Variants in MAP4K3 observed in about 807,000 individuals in gnomAD.
MAP4K3 encodes mitogen-activated protein kinase kinase kinase kinase 3, also known as MAPK/ERK kinase kinase kinase 3.
A neutral mutation model predicts 143.5 loss-of-function variants in MAP4K3; 94 were observed. The observed-to-expected ratio is 0.65, with a 90% confidence interval of 0.55 to 0.78. MAP4K3 has a LOEUF of 0.78. MAP4K3 is among the 30% of genes least tolerant of loss of function. The pLI is 0.00. For synonymous variants in MAP4K3, 416 were observed against 347.2 expected (o/e 1.20, Z -2.20); for missense variants, 1,077 against 1,068.1 (o/e 1.01, Z -0.12).
chr2:39,354,868 A>C (rs917840135), intron 3 of MAP4K3, among the ~76,000 whole-genome samples: 5 of 152,222 alleles, frequency 3.3e-5, no homozygotes, highest in Non-Finnish European at 7.3e-5. Flanking sequence ...TACCTGGATC[A>C]TATGAAAATG....
intron 4 of MAP4K3, among the ~76,000 whole-genome samples, chr2:39,342,403 T>A (rs1348668414): frequency 6.6e-6 from 1 of 152,142 alleles, no homozygotes; most frequent in East Asian, 1.9e-4. Context: ...GTGCTGGGAT[T>A]ACAGGCATGA....
At chr2:39,330,062 T>A (rs1683632629) in intron 8 of MAP4K3, among the ~76,000 whole-genome samples, 1 of 151,764 alleles carries the variant, frequency 6.6e-6, no homozygotes. Flanking sequence ...AACCAGTGAG[T>A]TCCATAGAGA....
chr2:39,436,216 T>C (rs576856277), intron 1 of MAP4K3, among the ~76,000 whole-genome samples: 4 of 151,984 alleles, frequency 2.6e-5, no homozygotes, highest in African/African-American at 9.7e-5. Context: ...TCTAACCTTG[T>C]CAAACCAGTA....
intron 1 of MAP4K3, among the ~76,000 whole-genome samples, chr2:39,411,773 C>T (rs983139795): frequency 6.6e-6 from 1 of 152,074 alleles, no homozygotes; most frequent in African/African-American, 2.4e-5. Flanking sequence ...AAAAATGTGA[C>T]GATCTGCAGA....
At chr2:39,322,592 A>ATGTATGTG (rs1553412052) in intron 12 of MAP4K3, among the ~76,000 whole-genome samples, 1 of 144,720 alleles carries the variant, frequency 6.9e-6, no homozygotes, top group African/African-American at 2.5e-5. Context: ...GATGTGGTAT[A>ATGTATGTG]TGTGTGTGTG....
At chr2:39,348,361 T>C (rs1665356281) in intron 3 of MAP4K3, among the ~76,000 whole-genome samples, 1 of 152,136 alleles carries the variant, frequency 6.6e-6, no homozygotes, top group African/African-American at 2.4e-5. Context: ...ATCACGACTA[T>C]ATAGTAATAC....
intron 21 of MAP4K3, 49 bp downstream of exon 21, chr2:39,286,803 G>A: frequency 8.1e-7 from 1 of 1,232,892 alleles, no homozygotes. Flanking sequence ...TAACTTAACA[G>A]TTAAAAAGGA....
At chr2:39,404,094 G>C (rs1667026186) in intron 1 of MAP4K3, among the ~76,000 whole-genome samples, 1 of 152,034 alleles carries the variant, frequency 6.6e-6, no homozygotes, top group Non-Finnish European at 1.5e-5. Flanking sequence ...GTAGTATGCT[G>C]TGAGTCCTGG....
intron 1 of MAP4K3, among the ~76,000 whole-genome samples, chr2:39,406,030 T>A (rs1338177409): frequency 6.6e-6 from 1 of 151,930 alleles, no homozygotes; most frequent in African/African-American, 2.4e-5. Context: ...CAGATAAATT[T>A]AACAAAGACA....
At chr2:39,375,201 G>A (rs986627876) in intron 2 of MAP4K3, among the ~76,000 whole-genome samples, 15 of 152,242 alleles carry the variant, frequency 9.9e-5, no homozygotes, top group African/African-American at 3.1e-4. Flanking sequence ...CAAGACTGCA[G>A]TGAGCCACGA....
intron 28 of MAP4K3, among the ~76,000 whole-genome samples, chr2:39,261,282 T>C (rs557453963): frequency 1.3e-5 from 2 of 152,218 alleles, no homozygotes; most frequent in Non-Finnish European, 2.9e-5. Flanking sequence ...TCAAGTGATT[T>C]TTATCAAATC....
At chr2:39,286,450 G>A (rs1681781739) in intron 21 of MAP4K3, among the ~76,000 whole-genome samples, 1 of 152,168 alleles carries the variant, frequency 6.6e-6, no homozygotes, top group Non-Finnish European at 1.5e-5. Context: ...AGAAGCTACA[G>A]CTTTCTTTAT....
At chr2:39,399,484 T>C (rs1234766103) in intron 1 of MAP4K3, among the ~76,000 whole-genome samples, 1 of 152,168 alleles carries the variant, frequency 6.6e-6, no homozygotes, top group Non-Finnish European at 1.5e-5. Context: ...ATGGGAACCA[T>C]CTCATTTCCA....
chr2:39,293,168 A>G (rs1682122741), intron 17 of MAP4K3, 62 bp downstream of exon 17: 10 of 1,172,408 alleles, frequency 8.5e-6, no homozygotes, highest in Non-Finnish European at 1.2e-5. Flanking sequence ...AACAGAGAAG[A>G]AGGCAAACTG....
intron 2 of MAP4K3, among the ~76,000 whole-genome samples, chr2:39,357,052 T>C (rs935945131): frequency 5.9e-5 from 9 of 152,214 alleles, no homozygotes; most frequent in African/African-American, 2.2e-4. Flanking sequence ...AACTGTGTTA[T>C]AATGCAGAAT....
At chr2:39,330,170 G>GCCAA (rs1280852793) in intron 8 of MAP4K3, among the ~76,000 whole-genome samples, 3 of 152,038 alleles carry the variant, frequency 2.0e-5, no homozygotes, top group African/African-American at 7.2e-5. Context: ...AAGCACAAAT[G>GCCAA]CCAAGTACAA....
intron 12 of MAP4K3, among the ~76,000 whole-genome samples, chr2:39,321,488 A>G (rs988463909): frequency 7.9e-5 from 12 of 152,336 alleles, no homozygotes; most frequent in African/African-American, 2.9e-4. Flanking sequence ...TAGGAAAGCC[A>G]GGTATTGTCC....
chr2:39,398,697 G>C (rs1241049699), intron 1 of MAP4K3, among the ~76,000 whole-genome samples: 1 of 145,678 alleles, frequency 6.9e-6, no homozygotes, highest in Non-Finnish European at 1.5e-5. Flanking sequence ...TCCTTTGATG[G>C]TTTCAGGAAT....
At chr2:39,355,589 G>A (rs1665589662) in intron 3 of MAP4K3, among the ~76,000 whole-genome samples, 1 of 152,068 alleles carries the variant, frequency 6.6e-6, no homozygotes, top group Non-Finnish European at 1.5e-5. Context: ...TCTTCCCTTG[G>A]AGGAAGCTTA....
Sources: allele counts gnomAD v4.1 joint callset (sites outside exome capture counted in the v4.1 genomes callset), GRCh38; gene constraint gnomAD v4.1.1; transcripts MANE v1.5; gene names NCBI Gene and HGNC (gene_info 2026-07-23, HGNC 2026-07-21).